The following NIPBL variants were observed in gnomAD, a reference collection of about 807,000 sequenced individuals.
NIPBL encodes the protein NIPBL cohesin loading factor.
Under a neutral mutation model 321.8 loss-of-function variants are expected in NIPBL, and 19 were observed. The observed-to-expected ratio is 0.06, with a 90% CI of 0.04 to 0.09. The LOEUF is 0.09. NIPBL is among the 10% of genes least tolerant of loss of function. The pLI, the probability that NIPBL is intolerant of heterozygous loss-of-function variation, is 1.00. For synonymous variants in NIPBL, 1,106 were observed against 1,114.1 expected (o/e 0.99, Z 0.14); for missense variants, 2,210 against 3,327.0 (o/e 0.66, Z 8.26).
At chr5:36,891,598 A>G (rs973400543) in intron 1 of NIPBL, among the ~76,000 whole-genome samples, 1 of 152,188 alleles carries the variant, frequency 6.6e-6, no homozygotes, top group Non-Finnish European at 1.5e-5. Context: ...AGGCTGGAAA[A>G]GGGGCATGCC....
At chr5:36,939,372 T>A (rs1028430719) in intron 1 of NIPBL, among the ~76,000 whole-genome samples, 1 of 152,192 alleles carries the variant, frequency 6.6e-6, no homozygotes, top group Non-Finnish European at 1.5e-5. Flanking sequence ...ATTTCAAGAA[T>A]GTTACAAAAA....
chr5:37,065,010 G>T lies in NIPBL; in HGVS notation c.*118G>T. ...ATGAAGAGTAAGTGGAACCTGGGAT[G>T]CAGGAACAAAAGAAGGAAATGTTGG... On this transcript the variant is annotated 3_prime_UTR_variant, in exon 47 of 47. Transcript: ENST00000282516. The T allele has an allele frequency of 8.2e-7, 1 of 1,223,048 alleles. No individual in the cohort carries two copies. The highest frequency in any genetic ancestry group is 1.2e-6 in the Non-Finnish European group (1 of 853,340). The allele number at this position is 1,223,048 out of a possible 1,614,324, so 75.8% of individuals were successfully genotyped here.
At chr5:37,054,958 T>C (rs1372164937) in intron 42 of NIPBL, among the ~76,000 whole-genome samples, 1 of 151,824 alleles carries the variant, frequency 6.6e-6, no homozygotes, top group Non-Finnish European at 1.5e-5. Context: ...ATGAGGACAA[T>C]TGCCAAAGAG....
chr5:36,961,986 T>G, intron 5 of NIPBL, 137 bp from the exon 6 acceptor site: 2 of 981,164 alleles, frequency 2.0e-6, no homozygotes, highest in South Asian at 3.0e-5. Flanking sequence ...ATTTGACTAT[T>G]TTGCAAGATT....
chr5:37,020,790 T>C lies in NIPBL; in HGVS notation c.5241T>C (p.Thr1747=), dbSNP rs775399549. 8.1e-6 allele frequency: 13 copies of C among 1,614,092 alleles called. No individual in the cohort carries two copies. Among genetic ancestry groups the C allele is most frequent in the East Asian group, 2.2e-5 (1 of 44,886 alleles). Residue 1747 remains threonine (T), a synonymous_variant, in exon 27 of 47, where the codon ACT becomes ACC. Coordinates refer to ENST00000282516, the MANE Select transcript of NIPBL (RefSeq NM_133433.4). ...TTTGTTGCAGGATGAACTCTGATACTGTGGACTATGATGATGCTTGCTTGA... is the reference window on the plus strand; with the variant it reads ...TTTGTTGCAGGATGAACTCTGATACCGTGGACTATGATGATGCTTGCTTGA... The part of the protein sequence containing the change: ...QFSTLKMNSD[T]VDYDDACLIV...
intron 1 of NIPBL, among the ~76,000 whole-genome samples, chr5:36,937,800 C>G (rs536296032): frequency 6.6e-6 from 1 of 152,186 alleles, no homozygotes; most frequent in African/African-American, 2.4e-5. Context: ...ATTTTAGGAC[C>G]AACTCTTGGA....
intron 10 of NIPBL, among the ~76,000 whole-genome samples, chr5:36,991,764 T>TC (rs1745546775): frequency 6.6e-6 from 1 of 151,206 alleles, no homozygotes; most frequent in African/African-American, 2.4e-5. Context: ...TTTTTTTTTT[T>TC]AGGATTTATA....
At chr5:36,987,881 C>G (rs1044671335) in intron 10 of NIPBL, among the ~76,000 whole-genome samples, 1 of 152,076 alleles carries the variant, frequency 6.6e-6, no homozygotes, top group South Asian at 2.1e-4. Flanking sequence ...GTTAACACCA[C>G]AATTGTTTTC....
At position 37,020,545 on chromosome 5, in the gene NIPBL, A is replaced by G; in HGVS notation, c.5097A>G (p.Glu1699=). The G allele has an allele frequency of 2.5e-6, 4 of 1,613,322 alleles. No homozygotes were observed. The highest frequency in any genetic ancestry group is 3.4e-6 in the Non-Finnish European group (4 of 1,179,232). ...EKAMKSQKDE[E]SSEGTHHAKE... ...CAATGAAATCACAAAAAGATGAAGAATCATCTGAAGGAACACATCATGCAA... is the reference window on the plus strand; with the variant it reads ...CAATGAAATCACAAAAAGATGAAGAGTCATCTGAAGGAACACATCATGCAA... The change falls in exon 26 of 47, where the codon GAA becomes GAG. Residue 1699 remains glutamate (E), a synonymous_variant. Transcript: ENST00000282516.
intron 44 of NIPBL, among the ~76,000 whole-genome samples, chr5:37,059,766 G>C (rs1224600909): frequency 6.6e-6 from 1 of 152,118 alleles, no homozygotes; most frequent in Non-Finnish European, 1.5e-5. Context: ...ACAAGTTTAA[G>C]TTTTTAAAGA....
At chr5:36,979,130 G>A (rs531855111) in intron 9 of NIPBL, among the ~76,000 whole-genome samples, 22 of 151,810 alleles carry the variant, frequency 1.4e-4, no homozygotes, top group Non-Finnish European at 2.5e-4. Context: ...GAAAAATTAC[G>A]TTGGTAGTTT....
intron 1 of NIPBL, among the ~76,000 whole-genome samples, chr5:36,878,021 A>T (rs1215734031): frequency 6.6e-6 from 1 of 152,228 alleles, no homozygotes; most frequent in Non-Finnish European, 1.5e-5. Context: ...GTTTTAAGCG[A>T]CTATACGTAA....
chr5:36,973,508 C>T (rs980430389), intron 8 of NIPBL, among the ~76,000 whole-genome samples: 4 of 152,042 alleles, frequency 2.6e-5, no homozygotes, highest in Admixed American at 2.0e-4. Flanking sequence ...CGCACTGTCA[C>T]CCAGGCTGGA....
In NIPBL at chr5:37,053,615, G is replaced by A. The variant is rs887896019; in HGVS notation, c.7263+1049G>A. 2.0e-5 allele frequency among the ~76,000 whole-genome samples: 3 copies of A among 152,194 alleles called. No individual in the cohort carries two copies. In the East Asian group the frequency reaches 5.8e-4, roughly 29 times the overall value. Reference sequence around the variant, plus strand: ...TATTTTTGGACTATGGTTGACCAAGGGTAACTGAAACTATGGAAAGCAAAA... The same window carrying A: ...TATTTTTGGACTATGGTTGACCAAGAGTAACTGAAACTATGGAAAGCAAAA... On this transcript the variant is annotated intron_variant, in intron 42 of 46. Transcript: ENST00000282516.
At chr5:37,017,277 T>C in intron 24 of NIPBL, 115 bp downstream of exon 24, 1 of 1,070,842 alleles carries the variant, frequency 9.3e-7, no homozygotes, top group Non-Finnish European at 1.3e-6. Context: ...TTTTTACTTC[T>C]AAAAGTGGGC....
Position 37,064,873 on chromosome 5 carries a change from A to G in NIPBL, c.8396A>G (p.Lys2799Arg). ...ACTTTACGATCCCTGTATGCCGCCA[A>G]GGATGGGACTTCCAGCTAATGAATT... ...VQTLRSLYAA[K>R]DGTSS is the part of the protein sequence containing the mutation. Residue 2799 changes from lysine to arginine, a missense_variant, in exon 47 of 47, where the codon AAG becomes AGG. Physicochemically the swap from Lys to Arg is conservative, Grantham distance 26 (BLOSUM62 2). This residue lies in a region of NIPBL where 159 missense variants were observed against 319.2 expected (regional missense o/e 0.50). Transcript: ENST00000282516. 4 of 1,614,206 alleles carry G rather than the reference A, an allele frequency of 2.5e-6. No homozygotes were observed. Among genetic ancestry groups the G allele is most frequent in the Non-Finnish European group, 3.4e-6 (4 of 1,180,014 alleles).
At chr5:36,946,543 A>T (rs1170463244) in intron 1 of NIPBL, among the ~76,000 whole-genome samples, 5 of 150,848 alleles carry the variant, frequency 3.3e-5, no homozygotes, top group East Asian at 2.0e-4. Context: ...GCTCAAAAAC[A>T]GTGTGTGTGT....
chr5:37,008,324 G>A (rs945782917), intron 19 of NIPBL, among the ~76,000 whole-genome samples: 1 of 151,958 alleles, frequency 6.6e-6, no homozygotes, highest in Non-Finnish European at 1.5e-5. Flanking sequence ...CCAAATATTT[G>A]CAAATATTTC....
rs531781505 is a variant in NIPBL at position 36,894,334 on chromosome 5, C to CA, written c.-80+17165dup. The stretch of plus-strand genomic sequence containing the variant: ...GAAACCGCAGATAAAGTGAAGTATC[C>CA]AAAAAAAAACTCTATTTATATGAGA... On this transcript the variant is annotated intron_variant, in intron 1 of 46. Coordinates refer to ENST00000282516, the MANE Select transcript of NIPBL (RefSeq NM_133433.4). Among the ~76,000 whole-genome samples, 1,419 of 149,582 alleles carry CA rather than the reference C, an allele frequency of 9.5e-3. 21 individuals carry two copies. Among genetic ancestry groups the CA allele is most frequent in the African/African-American group, 0.033 (1,330 of 40,830 alleles).
Sources: allele counts gnomAD v4.1 joint callset (sites outside exome capture counted in the v4.1 genomes callset), GRCh38; gene constraint gnomAD v4.1.1; regional missense constraint gnomAD v4.1.1; transcripts MANE v1.5; gene names NCBI Gene and HGNC (gene_info 2026-07-23, HGNC 2026-07-21).